USH2A: variants seen among roughly 807,000 people sequenced by gnomAD.
USH2A encodes the protein Usher syndrome 2A (autosomal recessive, mild).
USH2A carries 443 observed loss-of-function variants against 538.9 expected under a neutral mutation model. The observed-to-expected ratio is 0.82, with a 90% CI of 0.76 to 0.89. The LOEUF is 0.89. Ranked by LOEUF, USH2A falls within the 40% of genes least tolerant of loss-of-function variation. USH2A has a pLI of 0.00. For synonymous variants in USH2A, 2,413 were observed against 2,273.5 expected, an observed-to-expected ratio of 1.06 and a Z score of -1.75; for missense variants, 6,633 against 6,324.8, an observed-to-expected ratio of 1.05 and a Z score of -1.65.
In USH2A at chr1:216,231,846, C is replaced by A; in HGVS notation, c.2993+107G>T. 29 of 1,403,902 alleles carry A rather than the reference C, an allele frequency of 2.1e-5. No homozygotes were observed. The South Asian group carries it at 3.3e-4, about 16-fold the overall frequency. The allele number at this position is 1,403,902 out of a possible 1,614,324, so 87.0% of individuals were successfully genotyped here. On this transcript the variant is annotated intron_variant, in intron 14 of 71. Transcript: ENST00000307340. ...GGGATTACAGGTGTGAGCCACCAAG[C>A]CGGGCAAAAAAAATACTTTTTACAG...
At chr1:215,842,761 G>A (rs529897245) in intron 46 of USH2A, among the ~76,000 whole-genome samples, 1 of 151,574 alleles carries the variant, frequency 6.6e-6, no homozygotes, top group African/African-American at 2.4e-5. Flanking sequence ...GCTGTACAGT[G>A]AGAACACATG....
chr1:215,660,683 C>G (rs1025361500), intron 64 of USH2A, among the ~76,000 whole-genome samples: 1 of 152,140 alleles, frequency 6.6e-6, no homozygotes, highest in African/African-American at 2.4e-5. Flanking sequence ...AGTCCTCAAA[C>G]ATGAACAAAA....
intron 3 of USH2A, among the ~76,000 whole-genome samples, chr1:216,386,488 A>AAAAC (rs71161420): frequency 5.0e-4 from 68 of 134,968 alleles, no homozygotes; most frequent in African/African-American, 1.7e-3. Context: ...TCGTCTCAAA[A>AAAAC]AAACAAACAA....
intron 35 of USH2A, among the ~76,000 whole-genome samples, chr1:215,985,041 T>C (rs538675578): frequency 3.9e-5 from 6 of 152,124 alleles, no homozygotes; most frequent in Non-Finnish European, 8.8e-5. Flanking sequence ...TGACTGGAGG[T>C]GTTTCATAAA....
At chr1:215,999,703 T>C (rs992181894) in intron 33 of USH2A, among the ~76,000 whole-genome samples, 6 of 152,268 alleles carry the variant, frequency 3.9e-5, no homozygotes, top group South Asian at 4.1e-4. Flanking sequence ...GGAAATCTTT[T>C]TGGCTAAGTA....
intron 61 of USH2A, among the ~76,000 whole-genome samples, chr1:215,689,561 T>G (rs1658535052): frequency 6.6e-6 from 1 of 152,186 alleles, no homozygotes; most frequent in Non-Finnish European, 1.5e-5. Context: ...AACTCTAGGA[T>G]GTCACTGCCA....
At chr1:215,628,262 T>A (rs190708620) in intron 71 of USH2A, among the ~76,000 whole-genome samples, 1 of 152,230 alleles carries the variant, frequency 6.6e-6, no homozygotes, top group Non-Finnish European at 1.5e-5. Context: ...GCTCCAAGTA[T>A]ATGAAGTATA....
At chr1:216,135,404 G>A (rs1000052680) in intron 21 of USH2A, among the ~76,000 whole-genome samples, 4 of 151,734 alleles carry the variant, frequency 2.6e-5, no homozygotes, top group African/African-American at 9.7e-5. Context: ...GTTGTAGTCT[G>A]TGTTCAGTGT....
Position 215,782,146 on chromosome 1 carries a change from C to A in USH2A, c.10636G>T (p.Gly3546Ter), listed in dbSNP as rs1553261372. The A allele has an allele frequency of 6.2e-7, 1 of 1,613,868 alleles. No homozygotes were observed. ...LLRNGIERFR[G>*]TSLSFSDKEG... The stretch of plus-strand genomic sequence containing the variant: ...TTATCAGAGAAGCTCAGTGATGTTC[C>A]CCGAAAACGTTCAATTCCATTTCGA... The change falls in exon 54 of 72, where the codon GGA becomes TGA. Residue 3546 changes from glycine to a stop codon, truncating the protein, a stop_gained. Coordinates refer to ENST00000307340, the MANE Select transcript of USH2A (RefSeq NM_206933.4). LOFTEE classifies it high-confidence loss of function.
In USH2A at chr1:215,813,356, T is replaced by C. The variant is rs567966844; in HGVS notation, c.9739+380A>G. ...TATCCAAGAACAATGCATGTGTAGT[T>C]CAGATTAGAAATGGAGGAAGTGGGG... On this transcript the variant is annotated intron_variant, in intron 49 of 71. Coordinates refer to ENST00000307340, the MANE Select transcript of USH2A (RefSeq NM_206933.4). Among the ~76,000 whole-genome samples the C allele has an allele frequency of 2.6e-5, 4 of 152,236 alleles. No individual in the cohort carries two copies. The South Asian group carries it at 8.3e-4, about 32-fold the overall frequency.
intron 46 of USH2A, 78 bp from the exon 47 acceptor site, chr1:215,838,181 C>T: frequency 8.9e-7 from 1 of 1,121,054 alleles, no homozygotes; most frequent in East Asian, 2.4e-5. Context: ...TCCCACCTTC[C>T]CTCATTTCAC....
At chr1:215,891,222 T>C (rs990595518) in intron 40 of USH2A, among the ~76,000 whole-genome samples, 5 of 152,182 alleles carry the variant, frequency 3.3e-5, no homozygotes, top group African/African-American at 1.2e-4. Flanking sequence ...AGGTGTTCAA[T>C]TTCAATTTCA....
At chr1:216,030,804 T>A (rs538084179) in intron 32 of USH2A, among the ~76,000 whole-genome samples, 13 of 151,326 alleles carry the variant, frequency 8.6e-5, no homozygotes, top group Admixed American at 1.3e-4. Context: ...GACCTGACCT[T>A]TCCTAGGTAT....
intron 37 of USH2A, among the ~76,000 whole-genome samples, chr1:215,948,224 G>T (rs1229962408): frequency 1.3e-5 from 2 of 151,684 alleles, no homozygotes; most frequent in Non-Finnish European, 2.9e-5. Flanking sequence ...ATGATATAAA[G>T]TCCTTCCTTC....
At chr1:215,926,614 CTT>C (rs10673615) in intron 38 of USH2A, among the ~76,000 whole-genome samples, 6 of 75,846 alleles carry the variant, frequency 7.9e-5, no homozygotes, top group African/African-American at 1.1e-4. Context: ...ACCTACCTAT[CTT>C]TTTTTTTTTT....
chr1:216,175,604 T>G (rs934896112), intron 20 of USH2A, 122 bp from the exon 21 acceptor site: 1 of 951,874 alleles, frequency 1.1e-6, no homozygotes, highest in African/African-American at 1.6e-5. Context: ...CAGTTGTGGT[T>G]TCAAGTATCT....
intron 3 of USH2A, among the ~76,000 whole-genome samples, chr1:216,367,130 A>G (rs1458552162): frequency 6.6e-6 from 1 of 152,212 alleles, no homozygotes; most frequent in Non-Finnish European, 1.5e-5. Context: ...ACATTAGCAC[A>G]GCCATGAGGG....
At chr1:216,384,630 T>C (rs1348010751) in intron 3 of USH2A, among the ~76,000 whole-genome samples, 1 of 152,090 alleles carries the variant, frequency 6.6e-6, no homozygotes, top group East Asian at 1.9e-4. Context: ...TAAGGGTCCA[T>C]CTCTAGTTGG....
chr1:215,722,442 T>C (rs1659690121), intron 61 of USH2A, among the ~76,000 whole-genome samples: 1 of 152,106 alleles, frequency 6.6e-6, no homozygotes, highest in Admixed American at 6.6e-5. Flanking sequence ...AAAATGAAAA[T>C]GGGATTAAAA....
Sources: allele counts gnomAD v4.1 joint callset (sites outside exome capture counted in the v4.1 genomes callset), GRCh38; gene constraint gnomAD v4.1.1; transcripts MANE v1.5; gene names NCBI Gene and HGNC (gene_info 2026-07-23, HGNC 2026-07-21).